DACH1: variants seen among roughly 807,000 people sequenced by gnomAD.
DACH1 encodes dachshund family transcription factor 1.
A neutral mutation model predicts 54.2 loss-of-function variants in DACH1; 12 were observed. The observed-to-expected ratio is 0.22, with a 90% CI of 0.14 to 0.36. The LOEUF (loss-of-function observed/expected upper bound fraction) is 0.36. DACH1 is among the 10% of genes least tolerant of loss of function. The probability of loss-of-function intolerance (pLI) is 1.00; values close to 1 mark genes in which losing one functional copy is unlikely to be tolerated. For missense variants in DACH1, 805 were observed against 929.8 expected (o/e 0.87, Z 1.75); for synonymous variants, 386 against 366.2 (o/e 1.05, Z -0.62).
chr13:71,505,243 C>A (rs192791773), intron 6 of DACH1, among the ~76,000 whole-genome samples: 15 of 151,972 alleles, frequency 9.9e-5, no homozygotes, highest in Admixed American at 3.9e-4. Flanking sequence ...CCACCACGCC[C>A]GGCTACTTTT....
intron 7 of DACH1, among the ~76,000 whole-genome samples, chr13:71,487,671 G>C (rs1341020653): frequency 6.6e-6 from 1 of 152,060 alleles, no homozygotes; most frequent in East Asian, 1.9e-4. Context: ...TCACTGACCT[G>C]GTTAAAGAGC....
At chr13:71,713,196 C>A (rs1326138575) in intron 1 of DACH1, among the ~76,000 whole-genome samples, 2 of 151,838 alleles carry the variant, frequency 1.3e-5, no homozygotes, top group African/African-American at 4.8e-5. Context: ...CCTAGCAGGG[C>A]AGGCTGGAAC....
chr13:71,724,893 GAACCT>G (rs1396742934), intron 1 of DACH1, among the ~76,000 whole-genome samples: 1 of 152,036 alleles, frequency 6.6e-6, no homozygotes, highest in East Asian at 1.9e-4. Flanking sequence ...CTTCATGGAT[GAACCT>G]TTATGTTATA....
chr13:71,679,753 G>A (rs557705360), intron 2 of DACH1, among the ~76,000 whole-genome samples: 8 of 151,984 alleles, frequency 5.3e-5, no homozygotes, highest in Non-Finnish European at 1.2e-4. Context: ...GGGAGGCCGA[G>A]GCGGATGGAT....
intron 1 of DACH1, among the ~76,000 whole-genome samples, chr13:71,851,967 A>C (rs986641660): frequency 2.6e-5 from 4 of 152,126 alleles, no homozygotes; most frequent in African/African-American, 9.7e-5. Context: ...TGAGTGTACA[A>C]TCTCCGCCTA....
intron 2 of DACH1, among the ~76,000 whole-genome samples, chr13:71,651,712 G>A (rs1878696749): frequency 6.7e-6 from 1 of 148,562 alleles, no homozygotes; most frequent in African/African-American, 2.5e-5. Context: ...ATATGTATAT[G>A]TATATGTATA....
At chr13:71,565,477 G>C (rs1264719507) in intron 4 of DACH1, among the ~76,000 whole-genome samples, 2 of 151,946 alleles carry the variant, frequency 1.3e-5, no homozygotes, top group Non-Finnish European at 2.9e-5. Context: ...CACTAAGAGT[G>C]GTGTTCAAAT....
chr13:71,441,090 T>C (rs954808945), intron 10 of DACH1, among the ~76,000 whole-genome samples: 7 of 152,070 alleles, frequency 4.6e-5, no homozygotes, highest in African/African-American at 1.4e-4. Context: ...CAGGAAAGAC[T>C]GAACTCCCAT....
intron 1 of DACH1, among the ~76,000 whole-genome samples, chr13:71,688,682 A>T (rs1241143178): frequency 2.6e-5 from 4 of 152,116 alleles, no homozygotes; most frequent in Non-Finnish European, 5.9e-5. Flanking sequence ...TACAAATATC[A>T]CCAGTGGACA....
At chr13:71,856,360 C>T (rs555121693) in intron 1 of DACH1, among the ~76,000 whole-genome samples, 82 of 151,636 alleles carry the variant, frequency 5.4e-4, no homozygotes, top group Admixed American at 1.4e-3. Flanking sequence ...GTCAACAGTG[C>T]GTAAGAAAAA....
chr13:71,570,507 C>T (rs1477511932), intron 4 of DACH1, among the ~76,000 whole-genome samples: 1 of 152,100 alleles, frequency 6.6e-6, no homozygotes, highest in Non-Finnish European at 1.5e-5. Flanking sequence ...AGCCATTGTT[C>T]CCTATTTGGC....
intron 3 of DACH1, among the ~76,000 whole-genome samples, chr13:71,593,281 C>A (rs1015396052): frequency 4.6e-5 from 7 of 152,122 alleles, no homozygotes; most frequent in African/African-American, 1.7e-4. Flanking sequence ...TATTAATACT[C>A]TCTGAAAATG....
intron 1 of DACH1, 135 bp from the exon 2 acceptor site, chr13:71,682,045 G>C: frequency 1.8e-6 from 1 of 556,492 alleles, no homozygotes; most frequent in Non-Finnish European, 3.2e-6. Flanking sequence ...AGATGTAATA[G>C]ACTTCCATCA....
At chr13:71,573,467 T>A (rs1332390720) in intron 3 of DACH1, 5 of 716,350 alleles carry the variant, frequency 7.0e-6, no homozygotes, top group Non-Finnish European at 1.3e-5. Context: ...GATGACTAAG[T>A]GGAAGGCTAC....
intron 1 of DACH1, among the ~76,000 whole-genome samples, chr13:71,684,093 A>C (rs1881040916): frequency 6.6e-6 from 1 of 151,646 alleles, no homozygotes; most frequent in South Asian, 2.1e-4. Context: ...TTTCTAATCT[A>C]TTTTCTCTTC....
intron 1 of DACH1, among the ~76,000 whole-genome samples, chr13:71,832,411 C>CA (rs1251144265): frequency 1.3e-5 from 2 of 151,656 alleles, no homozygotes; most frequent in Non-Finnish European, 2.9e-5. Context: ...ATGGGGCCTG[C>CA]ATAAACATAA....
At position 71,836,183 on chromosome 13, in the gene DACH1, C is replaced by T. The variant is rs961843884; in HGVS notation, c.848+29739G>A. Among the ~76,000 whole-genome samples the T allele has an allele frequency of 4.0e-5, 6 of 151,880 alleles. No individual in the cohort carries two copies. The East Asian group carries it at 1.2e-3, about 29-fold the overall frequency. On this transcript the variant is annotated intron_variant, in intron 1 of 10. Coordinates refer to ENST00000613252, the MANE Select transcript of DACH1 (RefSeq NM_080759.6). ...TTTCACCATCTTGAGAAAAAAGGTA[C>T]CATTATAGAGTATTCTAGATATTTC...
At chr13:71,579,070 T>TA (rs1434115710) in intron 3 of DACH1, among the ~76,000 whole-genome samples, 1 of 152,154 alleles carries the variant, frequency 6.6e-6, no homozygotes, top group East Asian at 1.9e-4. Flanking sequence ...TACCCTGTGT[T>TA]ACTGGAATGT....
At chr13:71,848,686 TAAAAAA>T in intron 1 of DACH1, among the ~76,000 whole-genome samples, 1 of 151,836 alleles carries the variant, frequency 6.6e-6, no homozygotes, top group Non-Finnish European at 1.5e-5. Flanking sequence ...CCTGGCTAAT[TAAAAAA>T]AATTTTTTTG....
Sources: allele counts gnomAD v4.1 joint callset (sites outside exome capture counted in the v4.1 genomes callset), GRCh38; gene constraint gnomAD v4.1.1; transcripts MANE v1.5; gene names NCBI Gene and HGNC (gene_info 2026-07-23, HGNC 2026-07-21).